GYG1: variants seen among roughly 807,000 people sequenced by gnomAD.
GYG1 encodes the protein glycogenin 1, also known as glycogenin-1.
In GYG1, 44 loss-of-function variants were observed where a neutral mutation model predicts 41.9. The ratio of observed to expected loss-of-function variants is 1.05; its 90% CI spans 0.83 to 1.35. The LOEUF (loss-of-function observed/expected upper bound fraction) is 1.35, where lower values mean the gene tolerates loss of function less well. Among genes scored for constraint, GYG1 ranks in the 40% most tolerant of loss-of-function variants. The probability of loss-of-function intolerance (pLI) is 0.00; values close to 1 mark genes in which losing one functional copy is unlikely to be tolerated. For synonymous variants in GYG1, 141 were observed against 158.1 expected (o/e 0.89, Z 0.81); for missense variants, 429 against 418.9 (o/e 1.02, Z -0.21).
In GYG1 at chr3:149,022,498, C is replaced by CTTTTTTTTTTTTTTTTTTT. The variant is rs71617495; in HGVS notation, c.609-1537_609-1536insTTTTTTTTTTTTTTTTTTT. ...AACAGTACCTTTTTTCTTGTTTTGC[C>CTTTTTTTTTTTTTTTTTTT]TTTTTTTTTTTTTTTTTTGAGATGG... On this transcript the variant is annotated intron_variant, in intron 5 of 7. Transcript: ENST00000345003. 5.7e-4 allele frequency among the ~76,000 whole-genome samples: 40 copies of CTTTTTTTTTTTTTTTTTTT among 69,586 alleles called. 4 individuals carry two copies. The highest frequency in any genetic ancestry group is 6.8e-4 in the Admixed American group (3 of 4,406). 45.7% of individuals were successfully genotyped at this position (69,586 alleles called of 152,430 possible).
intron 5 of GYG1, among the ~76,000 whole-genome samples, chr3:149,019,433 AC>A (rs781456155): frequency 2.8e-4 from 43 of 152,024 alleles, no homozygotes; most frequent in Non-Finnish European, 3.2e-4. Flanking sequence ...CTCCCCACTC[AC>A]CCCCTGTCTT....
At position 149,017,501 on chromosome 3, in the gene GYG1, G is replaced by A. The variant is rs186567588; in HGVS notation, c.609-6552G>A. Among the ~76,000 whole-genome samples the A allele has an allele frequency of 3.4e-4, 51 of 150,294 alleles. 1 individual carries two copies. In the East Asian group the frequency reaches 9.2e-3, roughly 27 times the overall value. On this transcript the variant is annotated intron_variant, in intron 5 of 7. Coordinates refer to ENST00000345003, the MANE Select transcript of GYG1 (RefSeq NM_004130.4). ...TACTCTGGGTTGAGGTCAGTTCAAC[G>A]CTATCTTCTGACATCAACATTTCCC...
At chr3:149,000,351 C>T (rs1447781688) in intron 4 of GYG1, among the ~76,000 whole-genome samples, 1 of 152,100 alleles carries the variant, frequency 6.6e-6, no homozygotes, top group Non-Finnish European at 1.5e-5. Flanking sequence ...TACATATTTC[C>T]CGAAAAGTTG....
chr3:149,013,977 G>A (rs926550327), intron 5 of GYG1, among the ~76,000 whole-genome samples: 9 of 152,220 alleles, frequency 5.9e-5, no homozygotes, highest in African/African-American at 1.9e-4. Context: ...CAAACCTGGA[G>A]CGTGTACCTT....
At chr3:148,993,878 T>C (rs191946839) in intron 1 of GYG1, among the ~76,000 whole-genome samples, 56 of 152,344 alleles carry the variant, frequency 3.7e-4, no homozygotes, top group African/African-American at 1.2e-3. Context: ...GCTATTGTTT[T>C]GTCTGAGAAT....
chr3:148,996,482 T>A lies in GYG1; in HGVS notation c.318+6T>A, dbSNP rs1252070531. The A allele has an allele frequency of 4.3e-6, 7 of 1,611,368 alleles. No homozygotes were observed. The highest frequency in any genetic ancestry group is 3.3e-5 in the Admixed American group (2 of 59,968). On this transcript the variant is annotated splice_donor_region_variant and intron_variant, in intron 3 of 7. Coordinates refer to ENST00000345003, the MANE Select transcript of GYG1 (RefSeq NM_004130.4). The stretch of plus-strand genomic sequence containing the variant: ...TCATGGATGCAGATACTCTGGTGAG[T>A]GTGGCTTTGAGGGTAGAAAAGAAAG...
At chr3:149,016,130 G>A (rs1206115569) in intron 5 of GYG1, among the ~76,000 whole-genome samples, 5 of 151,866 alleles carry the variant, frequency 3.3e-5, no homozygotes, top group South Asian at 2.1e-4. Context: ...GTGTGGTGGC[G>A]GGCGCCTGTT....
At position 149,026,374 on chromosome 3, in the gene GYG1, C is replaced by T; in HGVS notation, c.829-78C>T. 10 of 894,342 alleles carry T rather than the reference C, an allele frequency of 1.1e-5. 1 individual carries two copies. In the South Asian group the frequency reaches 1.2e-4, roughly 10 times the overall value. The allele number at this position is 894,342 out of a possible 1,614,324, so 55.4% of individuals were successfully genotyped here. On this transcript the variant is annotated intron_variant, in intron 6 of 7. Coordinates refer to ENST00000345003, the MANE Select transcript of GYG1 (RefSeq NM_004130.4). The stretch of plus-strand genomic sequence containing the variant: ...TTTAAGTTCTCAACCTTTCAGAGCC[C>T]ACACAGATTGAGAATTTATCTTGAG...
intron 1 of GYG1, 32 bp downstream of exon 1, chr3:148,991,679 C>A (rs776413867): frequency 6.7e-7 from 1 of 1,495,542 alleles, no homozygotes; most frequent in East Asian, 2.6e-5. Flanking sequence ...CCGCCAGCCC[C>A]GGGACCCCGG....
rs969708636 is a variant in GYG1 at position 149,031,504 on chromosome 3, C to A, written c.*4571C>A. On this transcript the variant is annotated 3_prime_UTR_variant, in exon 8 of 8. Transcript: ENST00000345003. ...GGGTAGGACTGGTTTGCCTCTCACT[C>A]CCACAGACTATATTTATACCTCAGA... 2.0e-5 allele frequency: 3 copies of A among 152,564 alleles called. No individual in the cohort carries two copies. The highest frequency in any genetic ancestry group is 2.9e-5 in the Non-Finnish European group (2 of 68,008). 9.5% of individuals were successfully genotyped at this position (152,564 alleles called of 1,614,324 possible). A position where few individuals can be genotyped will look rare whatever the true frequency, so the allele number is the denominator to read the frequency against.
At position 148,991,639 on chromosome 3, in the gene GYG1, C is replaced by A; in HGVS notation, c.-2C>A. 1 of 1,550,390 alleles carries A rather than the reference C, an allele frequency of 6.4e-7. No homozygotes were observed. Among genetic ancestry groups the A allele is most frequent in the East Asian group, 2.4e-5 (1 of 41,542 alleles). Reference sequence around the variant, plus strand: ...CCGGCCGCCTGCGCACCCGGCAGCACCATGACAGGTACCGCCGCGCAGCCC... The same window carrying A: ...CCGGCCGCCTGCGCACCCGGCAGCAACATGACAGGTACCGCCGCGCAGCCC... On this transcript the variant is annotated 5_prime_UTR_variant, in exon 1 of 8. Transcript: ENST00000345003.
At chr3:149,018,890 A>AAAAAAT (rs1714213078) in intron 5 of GYG1, among the ~76,000 whole-genome samples, 1 of 151,918 alleles carries the variant, frequency 6.6e-6, no homozygotes, top group Non-Finnish European at 1.5e-5. Context: ...TCGTCTCTAC[A>AAAAAAT]AAAAATAAAA....
intron 5 of GYG1, among the ~76,000 whole-genome samples, chr3:149,015,603 G>A (rs896833598): frequency 6.6e-6 from 1 of 152,168 alleles, no homozygotes; most frequent in African/African-American, 2.4e-5. Context: ...AATTGGCACT[G>A]GATGTGGAAT....
intron 5 of GYG1, among the ~76,000 whole-genome samples, chr3:149,016,277 C>G (rs113270123): frequency 3.2e-4 from 32 of 99,748 alleles, no homozygotes; most frequent in African/African-American, 8.7e-4. Flanking sequence ...AAAAAAAAAA[C>G]AAAAAAGAAA....
chr3:149,004,394 T>G (rs1713280185), intron 4 of GYG1, among the ~76,000 whole-genome samples: 1 of 152,232 alleles, frequency 6.6e-6, no homozygotes, highest in Admixed American at 6.5e-5. Context: ...TGTTTTCTAA[T>G]ACAGATGTGC....
chr3:149,015,414 A>C (rs1262867024), intron 5 of GYG1, among the ~76,000 whole-genome samples: 1 of 152,240 alleles, frequency 6.6e-6, no homozygotes, highest in Non-Finnish European at 1.5e-5. Flanking sequence ...ACCCAATGGC[A>C]GGAAGATAAT....
intron 5 of GYG1, among the ~76,000 whole-genome samples, chr3:149,014,266 C>T (rs1427960357): frequency 6.6e-6 from 1 of 152,100 alleles, no homozygotes; most frequent in Admixed American, 6.5e-5. Context: ...ATGATCTGTC[C>T]TCAGATCTCA....
chr3:149,022,259 T>C (rs79525362), intron 5 of GYG1, among the ~76,000 whole-genome samples: 3,081 of 152,250 alleles, frequency 0.02, 69 homozygotes, highest in Middle Eastern at 0.058. Flanking sequence ...CTCCTACTTT[T>C]TTAAAGATAT....
In GYG1 at chr3:149,028,705, A is replaced by ATTTTTTTTTT. The variant is rs71617496; in HGVS notation, c.*1786_*1795dup. 3.0e-5 allele frequency among the ~76,000 whole-genome samples: 4 copies of ATTTTTTTTTT among 133,720 alleles called. No homozygotes were observed. The highest frequency in any genetic ancestry group is 3.2e-5 in the Non-Finnish European group (2 of 63,392). The allele number at this position is 133,720 out of a possible 152,430, so 87.7% of individuals were successfully genotyped here. On this transcript the variant is annotated 3_prime_UTR_variant, in exon 8 of 8. Transcript: ENST00000345003. Reference sequence around the variant, plus strand: ...GGTGGAAAAGCTGACATAGTTTTAAATTTTTTTTTTTTTTTTTTTTTTTCT... The same window carrying ATTTTTTTTTT: ...GGTGGAAAAGCTGACATAGTTTTAAATTTTTTTTTTTTTTTTTTTTTTTTTTTTTTTTTCT...
Sources: gnomAD v4.1 joint callset for allele counts (sites outside exome capture counted in the v4.1 genomes callset) on GRCh38, gnomAD v4.1.1 for gene constraint, MANE v1.5 for transcripts, NCBI Gene and HGNC (gene_info 2026-07-23, HGNC 2026-07-21) for gene names.